CORIN: variants seen among roughly 807,000 people sequenced by gnomAD.
CORIN encodes corin, serine peptidase.
A neutral mutation model predicts 125.3 loss-of-function variants in CORIN; 117 were observed. The observed-to-expected ratio is 0.93, with a 90% CI of 0.80 to 1.09. The LOEUF (loss-of-function observed/expected upper bound fraction) is 1.09. CORIN is among the 50% of genes least tolerant of loss of function. CORIN has a pLI of 0.00. For missense variants in CORIN, 1,253 were observed against 1,306.7 expected (o/e 0.96, Z 0.63); for synonymous variants, 450 against 466.4 (o/e 0.96, Z 0.45).
intron 1 of CORIN, among the ~76,000 whole-genome samples, chr4:47,810,226 C>T (rs1420269464): frequency 6.6e-6 from 1 of 151,958 alleles, no homozygotes; most frequent in Non-Finnish European, 1.5e-5. Flanking sequence ...CTCACTCTGT[C>T]GCCCAGGCTG....
In CORIN at chr4:47,687,903, GT is replaced by G. The variant is rs1162604108; in HGVS notation, c.914-4066del. The stretch of plus-strand genomic sequence containing the variant: ...TATTGGCTTCCAGCTCTAGAAAAGG[GT>G]TTCTCAACGGCAGTATCATTTGACA... On this transcript the variant is annotated intron_variant, in intron 6 of 21. Transcript: ENST00000273857. Among the ~76,000 whole-genome samples, 54 of 152,126 alleles carry G rather than the reference GT, an allele frequency of 3.5e-4. 1 individual carries two copies. Among genetic ancestry groups the G allele is most frequent in the Admixed American group, 3.5e-3 (54 of 15,274 alleles).
intron 3 of CORIN, among the ~76,000 whole-genome samples, chr4:47,765,372 G>T (rs1388037688): frequency 6.6e-6 from 1 of 151,140 alleles, no homozygotes; most frequent in Non-Finnish European, 1.5e-5. Flanking sequence ...GAGCTTCACT[G>T]TTTCCTTTAC....
Position 47,623,631 on chromosome 4 carries a change from A to G in CORIN, c.2480T>C (p.Ile827Thr), listed in dbSNP as rs149965013. 165 of 1,614,082 alleles carry G rather than the reference A, an allele frequency of 1.0e-4. No homozygotes were observed. The highest frequency in any genetic ancestry group is 1.3e-4 in the Non-Finnish European group (156 of 1,180,024). The change falls in exon 19 of 22, where the codon ATC becomes ACC. Residue 827 changes from isoleucine (I) to threonine (T), a missense_variant. Transcript: ENST00000273857. Reference sequence around the variant, plus strand: ...CTTGGCAATGAGGACACAGCCACAGATATGTCCACTGGGTTCACTCTGCAG... The same window carrying G: ...CTTGGCAATGAGGACACAGCCACAGGTATGTCCACTGGGTTCACTCTGCAG... ...CSLQSEPSGH[I>T]CGCVLIAKKW...
At chr4:47,660,625 G>A (rs1290131128) in intron 12 of CORIN, among the ~76,000 whole-genome samples, 1 of 152,058 alleles carries the variant, frequency 6.6e-6, no homozygotes, top group Admixed American at 6.5e-5. Context: ...ACTACAATGA[G>A]GTATCATCTC....
chr4:47,637,431 C>T (rs1229290434), intron 16 of CORIN, among the ~76,000 whole-genome samples: 1 of 152,246 alleles, frequency 6.6e-6, no homozygotes, highest in Non-Finnish European at 1.5e-5. Flanking sequence ...GTCTTCATGG[C>T]AGCCCCTCCC....
Position 47,744,507 on chromosome 4 carries a change from A to C in CORIN, c.694T>G (p.Tyr232Asp), listed in dbSNP as rs1728571352. 4 of 1,614,058 alleles carry C rather than the reference A, an allele frequency of 2.5e-6. No homozygotes were observed. The Admixed American group carries it at 6.7e-5, about 27-fold the overall frequency. ...CATCTGAGGAAATCCGGCCAGGAGT[A>C]ATTCACCATCCCCAGGACTGATTCA... ...GCESVLGMVN[Y>D]SWPDFLRCSQ... The change falls in exon 5 of 22, where the codon TAC (tyrosine) becomes GAC (aspartate). Residue 232 changes from tyrosine to aspartate, a missense_variant. Physicochemically the swap from Tyr to Asp is radical, Grantham distance 160 (BLOSUM62 -3). Transcript: ENST00000273857.
At chr4:47,747,912 T>C (rs935941834) in intron 4 of CORIN, among the ~76,000 whole-genome samples, 2 of 152,224 alleles carry the variant, frequency 1.3e-5, no homozygotes, top group African/African-American at 4.8e-5. Context: ...GGAGCACTGA[T>C]AATCCCACCA....
At chr4:47,684,775 A>G (rs1447491679) in intron 6 of CORIN, among the ~76,000 whole-genome samples, 1 of 152,216 alleles carries the variant, frequency 6.6e-6, no homozygotes, top group East Asian at 1.9e-4. Flanking sequence ...GAACTCTTAC[A>G]TTCAATAATC....
intron 6 of CORIN, among the ~76,000 whole-genome samples, chr4:47,692,644 TA>T (rs1287078418): frequency 2.0e-5 from 3 of 151,840 alleles, no homozygotes; most frequent in African/African-American, 4.8e-5. Context: ...TGTCCTTTTT[TA>T]AAAAAAATTG....
In CORIN at chr4:47,595,601, G is replaced by A. The variant is rs1298821677; in HGVS notation, c.*120C>T. 7 of 647,468 alleles carry A rather than the reference G, an allele frequency of 1.1e-5. No individual in the cohort carries two copies. The highest frequency in any genetic ancestry group is 3.7e-5 in the South Asian group (1 of 27,122). The allele number at this position is 647,468 out of a possible 1,614,324, so 40.1% of individuals were successfully genotyped here. ...ACAAACATGCAAATTTGCAGTGCACGATTGAGCATTTCTGTCCATGAAAAG... is the reference window on the plus strand; with the variant it reads ...ACAAACATGCAAATTTGCAGTGCACAATTGAGCATTTCTGTCCATGAAAAG... On this transcript the variant is annotated 3_prime_UTR_variant, in exon 22 of 22. Coordinates refer to ENST00000273857, the MANE Select transcript of CORIN (RefSeq NM_006587.4).
chr4:47,701,705 A>T (rs943619061), intron 5 of CORIN, among the ~76,000 whole-genome samples: 1 of 151,914 alleles, frequency 6.6e-6, no homozygotes, highest in Non-Finnish European at 1.5e-5. Context: ...TTTAAAAGGC[A>T]GAGTAAAAAG....
intron 1 of CORIN, among the ~76,000 whole-genome samples, chr4:47,820,351 G>A (rs544928911): frequency 4.6e-5 from 7 of 152,134 alleles, no homozygotes; most frequent in South Asian, 2.1e-4. Context: ...AAAGAGACCT[G>A]AGAAAAGGCC....
intron 19 of CORIN, among the ~76,000 whole-genome samples, chr4:47,607,755 A>G (rs544362953): frequency 1.3e-5 from 2 of 152,282 alleles, no homozygotes; most frequent in South Asian, 4.1e-4. Flanking sequence ...ATTTCAGGCT[A>G]CATGAATGCC....
intron 1 of CORIN, among the ~76,000 whole-genome samples, chr4:47,807,596 G>A (rs564880567): frequency 3.3e-5 from 5 of 152,318 alleles, no homozygotes; most frequent in African/African-American, 1.2e-4. Context: ...TGAAATATAA[G>A]GAGGAGCCTG....
chr4:47,816,687 G>T (rs1732282365), intron 1 of CORIN, among the ~76,000 whole-genome samples: 2 of 152,168 alleles, frequency 1.3e-5, no homozygotes, highest in Non-Finnish European at 2.9e-5. Flanking sequence ...GCACATGTCT[G>T]TTGGTTGAAG....
At chr4:47,767,980 A>G (rs914439554) in intron 3 of CORIN, among the ~76,000 whole-genome samples, 2 of 152,230 alleles carry the variant, frequency 1.3e-5, no homozygotes, top group African/African-American at 2.4e-5. Flanking sequence ...CTGCAAGTAT[A>G]CATCCAGATG....
At chr4:47,825,515 A>C (rs1384260052) in intron 1 of CORIN, among the ~76,000 whole-genome samples, 1 of 152,196 alleles carries the variant, frequency 6.6e-6, no homozygotes, top group Admixed American at 6.5e-5. Context: ...TTCTAGGATC[A>C]CTGGCCTAAT....
At chr4:47,652,692 A>C (rs1723787922) in intron 13 of CORIN, 1 of 152,224 alleles carries the variant, frequency 6.6e-6, no homozygotes, top group Admixed American at 6.5e-5. Context: ...CGATTTTGGA[A>C]CTCAATGGCA....
intron 1 of CORIN, among the ~76,000 whole-genome samples, chr4:47,807,856 G>A (rs2109954286): frequency 6.6e-6 from 1 of 152,232 alleles, no homozygotes; most frequent in South Asian, 2.1e-4. Context: ...GTACTAAAAG[G>A]GCTTTGAATA....
Sources: allele counts gnomAD v4.1 joint callset (sites outside exome capture counted in the v4.1 genomes callset), GRCh38; gene constraint gnomAD v4.1.1; transcripts MANE v1.5; gene names NCBI Gene and HGNC (gene_info 2026-07-23, HGNC 2026-07-21).